The following UNC13C variants were observed in gnomAD, a reference collection of about 807,000 sequenced individuals.
UNC13C encodes the protein unc-13 homolog C, also known as protein unc-13 homolog C.
UNC13C carries 174 observed loss-of-function variants against 245.4 expected under a neutral mutation model. The observed-to-expected ratio is 0.71, with a 90% CI of 0.63 to 0.80. The LOEUF is 0.80. Ranked by LOEUF, UNC13C falls within the 30% of genes least tolerant of loss-of-function variation. The pLI is 0.00. For missense variants in UNC13C, 2,829 were observed against 2,602.9 expected (o/e 1.09, Z -1.89); for synonymous variants, 992 against 895.1 (o/e 1.11, Z -1.93).
At chr15:53,842,900 T>TTATATATATATATATA in the UNC13C span, among the ~76,000 whole-genome samples, 5 of 145,946 alleles carry the variant, frequency 3.4e-5, no homozygotes, top group African/African-American at 1.2e-4. Flanking sequence ...ATTTTAAGTT[T>TTATATATATATATATA]TATATATATA....
At chr15:54,612,610 C>G (rs943015152) in intron 30 of UNC13C, among the ~76,000 whole-genome samples, 1 of 152,002 alleles carries the variant, frequency 6.6e-6, no homozygotes, top group Non-Finnish European at 1.5e-5. Context: ...ATTGAATAAT[C>G]GTGCTCTTTC....
At chr15:54,073,071 C>T (rs1898410216) in intron 2 of UNC13C, among the ~76,000 whole-genome samples, 1 of 152,056 alleles carries the variant, frequency 6.6e-6, no homozygotes, top group Non-Finnish European at 1.5e-5. Flanking sequence ...GTGATGTTCC[C>T]CTCCCTGTGT....
intron 26 of UNC13C, among the ~76,000 whole-genome samples, chr15:54,538,458 A>G (rs1440164883): frequency 6.6e-6 from 1 of 152,034 alleles, no homozygotes; most frequent in Non-Finnish European, 1.5e-5. Flanking sequence ...CTAACTTAAA[A>G]CAGAACCTCC....
intron 2 of UNC13C, among the ~76,000 whole-genome samples, chr15:54,129,620 A>G (rs1457499060): frequency 4.0e-5 from 6 of 151,632 alleles, no homozygotes; most frequent in Non-Finnish European, 8.8e-5. Flanking sequence ...TTTTAAGAAA[A>G]TTTTTATTTT....
At chr15:54,075,954 G>A (rs1898589285) in intron 2 of UNC13C, among the ~76,000 whole-genome samples, 1 of 151,846 alleles carries the variant, frequency 6.6e-6, no homozygotes. Flanking sequence ...TTACAGATGA[G>A]GTTACTTAGT....
At position 54,237,611 on chromosome 15, in the gene UNC13C, T is replaced by C. The variant is rs1420009941; in HGVS notation, c.3157-8T>C. On this transcript the variant is annotated splice_polypyrimidine_tract_variant and splice_region_variant and intron_variant, in intron 6 of 32. Transcript: ENST00000260323. ...TGTATTAATAAGTCATAATTCTGTT[T>C]GTTTTAGACCCTGGCTGCCCGGAAA... is the stretch of plus-strand genomic sequence containing the variant. 22 of 1,609,264 alleles carry C rather than the reference T, an allele frequency of 1.4e-5. No individual in the cohort carries two copies. The highest frequency in any genetic ancestry group is 1.8e-5 in the Non-Finnish European group (21 of 1,177,646).
intron 30 of UNC13C, among the ~76,000 whole-genome samples, chr15:54,588,005 T>G (rs1476666370): frequency 1.3e-5 from 2 of 152,226 alleles, no homozygotes; most frequent in Non-Finnish European, 2.9e-5. Context: ...ATCATTTTAG[T>G]CTCAGGAAGA....
In UNC13C at chr15:54,297,923, T is replaced by C; in HGVS notation, c.4101T>C (p.His1367=). ...APYHIQYTCL[H]ENLFHYLTEV... ...ATCATATTCAATATACATGTTTACA[T>C]GAGGTAAATAAATGGAATTTTACTA... Residue 1367 remains histidine (H), a synonymous_variant, in exon 12 of 33, where the codon CAT becomes CAC. Transcript: ENST00000260323. The C allele has an allele frequency of 1.3e-6, 2 of 1,543,938 alleles. No individual in the cohort carries two copies. The highest frequency in any genetic ancestry group is 1.8e-6 in the Non-Finnish European group (2 of 1,130,624).
At chr15:53,969,500 T>C in the UNC13C span, among the ~76,000 whole-genome samples, 2 of 151,926 alleles carry the variant, frequency 1.3e-5, no homozygotes, top group Admixed American at 1.3e-4. Context: ...CTGGTCAATA[T>C]AGTGAGACCC....
intron 4 of UNC13C, among the ~76,000 whole-genome samples, chr15:54,205,204 T>A (rs1442558929): frequency 6.6e-6 from 1 of 151,354 alleles, no homozygotes; most frequent in Non-Finnish European, 1.5e-5. Context: ...TGTAGTACTC[T>A]GTTTTAAAAA....
chr15:54,368,524 A>G (rs17237564), intron 17 of UNC13C, among the ~76,000 whole-genome samples: 21,356 of 152,016 alleles, frequency 0.14, 1,784 homozygotes, highest in Middle Eastern at 0.23. Flanking sequence ...AACAAGTGCT[A>G]TTAGGTACAA....
chr15:54,599,438 C>CA (rs1899281632), intron 30 of UNC13C, among the ~76,000 whole-genome samples: 3 of 151,918 alleles, frequency 2.0e-5, no homozygotes, highest in Non-Finnish European at 4.4e-5. Context: ...ATCTCTATTT[C>CA]TTCAGTATCT....
At chr15:53,884,102 G>T in the UNC13C span, among the ~76,000 whole-genome samples, 1 of 43,830 alleles carries the variant, frequency 2.3e-5, no homozygotes, top group African/African-American at 9.7e-5. Flanking sequence ...CATCATTGTT[G>T]TTACGATGGT....
chr15:54,626,444 T>C (rs564875141), intron 32 of UNC13C, among the ~76,000 whole-genome samples: 5 of 147,934 alleles, frequency 3.4e-5, no homozygotes, highest in African/African-American at 7.3e-5. Flanking sequence ...GTAACTGATA[T>C]TGAAATGGGG....
intron 2 of UNC13C, among the ~76,000 whole-genome samples, chr15:54,060,282 A>G (rs1310343204): frequency 6.6e-6 from 1 of 152,214 alleles, no homozygotes; most frequent in Non-Finnish European, 1.5e-5. Context: ...AAAAAAACAA[A>G]CAACCCCATC....
intron 2 of UNC13C, among the ~76,000 whole-genome samples, chr15:54,129,321 A>G (rs1404604841): frequency 1.3e-5 from 2 of 152,180 alleles, no homozygotes; most frequent in African/African-American, 4.8e-5. Context: ...CTCATCTGTG[A>G]CACTGGTATG....
the UNC13C span, among the ~76,000 whole-genome samples, chr15:53,909,471 T>C: frequency 6.8e-6 from 1 of 146,520 alleles, no homozygotes; most frequent in Non-Finnish European, 1.5e-5. Flanking sequence ...AATGAAACAG[T>C]GGCCGGGCGT....
At chr15:54,036,006 A>G (rs747491557) in intron 2 of UNC13C, among the ~76,000 whole-genome samples, 23 of 152,212 alleles carry the variant, frequency 1.5e-4, no homozygotes, top group Non-Finnish European at 2.9e-4. Flanking sequence ...AATTGAGGTT[A>G]TAAAGAATTA....
rs184874399 is a variant in UNC13C, at chr15:54,251,336, T to C, written c.3448+892T>C. The stretch of plus-strand genomic sequence containing the variant: ...AAAATATTTTAACTTCTTGAGGCTT[T>C]ATTTTTCTCCACTCTATGGGCAGGA... On this transcript the variant is annotated intron_variant, in intron 8 of 32. Coordinates refer to ENST00000260323, the MANE Select transcript of UNC13C (RefSeq NM_001080534.3). Among the ~76,000 whole-genome samples, 479 of 152,320 alleles carry C rather than the reference T, an allele frequency of 3.1e-3. 2 individuals are homozygous for C. The highest frequency in any genetic ancestry group is 5.3e-3 in the Non-Finnish European group (361 of 68,024).
Sources: allele counts gnomAD v4.1 joint callset (sites outside exome capture counted in the v4.1 genomes callset), GRCh38; gene constraint gnomAD v4.1.1; transcripts MANE v1.5; gene names NCBI Gene and HGNC (gene_info 2026-07-23, HGNC 2026-07-21).